Variants in TRIM37 observed in about 807,000 individuals in gnomAD.
TRIM37 encodes the protein tripartite motif containing 37, also known as E3 ubiquitin-protein ligase TRIM37.
In TRIM37, 80 loss-of-function variants were observed where a neutral mutation model predicts 129.8. The ratio of observed to expected loss-of-function variants is 0.62; its 90% CI spans 0.51 to 0.74. TRIM37 has a LOEUF of 0.74. Among genes scored for constraint, TRIM37 ranks in the 30% least tolerant of loss-of-function variants. The pLI is 0.00. For missense variants in TRIM37, 1,054 were observed against 1,176.5 expected (o/e 0.90, Z 1.52); for synonymous variants, 389 against 387.1 (o/e 1.00, Z -0.06).
intron 22 of TRIM37, 137 bp from the exon 23 acceptor site, chr17:59,001,851 T>TAACAA: frequency 8.0e-7 from 1 of 1,256,016 alleles, no homozygotes; most frequent in Non-Finnish European, 1.1e-6. Flanking sequence ...AACTAAACAC[T>TAACAA]AACAAAACAA....
chr17:59,070,846 AG>A lies in TRIM37; in HGVS notation c.785del (p.Thr262IlefsTer11). 6.2e-7 allele frequency: 1 copy of A among 1,614,100 alleles called. No individual in the cohort carries two copies. Among genetic ancestry groups the A allele is most frequent in the Non-Finnish European group, 8.5e-7 (1 of 1,179,960 alleles). ...ACCTGGTAAAGTCTGGTGGAACAGG[AG>A]TGGTAACAAAAGATGCCATGGGCTT... Reference protein sequence around the residue: ...HRKPMASFVTTPVPPDFTSEL... With the variant: ...HRKPMASFVTXPVPPDFTSEL... On this transcript the variant is annotated frameshift_variant, in exon 9 of 24. Transcript: ENST00000262294. LOFTEE classifies it high-confidence loss of function.
intron 21 of TRIM37, among the ~76,000 whole-genome samples, 163 bp downstream of exon 21, chr17:59,015,447 A>T (rs544230660): frequency 1.4e-4 from 21 of 152,198 alleles, no homozygotes; most frequent in African/African-American, 3.6e-4. Flanking sequence ...TAAAAAAAAT[A>T]AAAAAAATTA....
chr17:59,098,420 C>T (rs1464437480), intron 2 of TRIM37, among the ~76,000 whole-genome samples: 3 of 152,156 alleles, frequency 2.0e-5, no homozygotes, highest in African/African-American at 7.2e-5. Flanking sequence ...AATCCTAGCA[C>T]TTGGGAGGCC....
Position 59,047,767 on chromosome 17 carries a change from A to G in TRIM37, c.1583T>C (p.Val528Ala). 6.2e-7 allele frequency: 1 copy of G among 1,613,876 alleles called. No homozygotes were observed. The highest frequency in any genetic ancestry group is 8.5e-7 in the Non-Finnish European group (1 of 1,179,826). The change falls in exon 16 of 24, where the codon GTA becomes GCA. Residue 528 changes from valine to alanine, a missense_variant. Physicochemically the swap from Val to Ala is moderately conservative, Grantham distance 64. This residue lies in a region of TRIM37 where 752 missense variants were observed against 870.8 expected (regional missense o/e 0.86). Coordinates refer to ENST00000262294, the MANE Select transcript of TRIM37 (RefSeq NM_015294.6). ...LDLDLVYEDE[V>A]NQLDGSSSSA... ...GGAACTGCTGCCATCGAGCTGATTT[A>G]CTTCATCCTCATAAACAAGATCCAG...
At chr17:59,027,644 C>A (rs763760730) in intron 19 of TRIM37, among the ~76,000 whole-genome samples, 3 of 152,120 alleles carry the variant, frequency 2.0e-5, no homozygotes, top group Non-Finnish European at 4.4e-5. Flanking sequence ...CTTTTCAGAC[C>A]CTTCTCCACA....
intron 2 of TRIM37, among the ~76,000 whole-genome samples, chr17:59,093,733 G>A (rs1264716675): frequency 2.0e-5 from 3 of 152,046 alleles, no homozygotes; most frequent in African/African-American, 7.3e-5. Context: ...TAACACTGTC[G>A]ATATATCTGT....
chr17:59,093,338 T>G (rs1361517999), intron 2 of TRIM37, among the ~76,000 whole-genome samples: 1 of 152,138 alleles, frequency 6.6e-6, no homozygotes, highest in Non-Finnish European at 1.5e-5. Context: ...AGAACTGGTC[T>G]CATGAACTCC....
rs72443487 is a variant in TRIM37, at chr17:59,012,227, G to GCAGCAGCAGCAGCAGCAGCAGCAGCAC, written c.2695+100_2695+101insGTGCTGCTGCTGCTGCTGCTGCTGCTG. ...CCTATCACTACCACCAGCAGCAGCA[G>GCAGCAGCAGCAGCAGCAGCAGCAGCAC]CACCACCACCACCACCACCACCACC... On this transcript the variant is annotated intron_variant, in intron 22 of 23. Coordinates refer to ENST00000262294, the MANE Select transcript of TRIM37 (RefSeq NM_015294.6). 3,092 of 611,714 alleles carry GCAGCAGCAGCAGCAGCAGCAGCAGCAC rather than the reference G, an allele frequency of 5.1e-3. 8 individuals carry two copies. The highest frequency in any genetic ancestry group is 0.02 in the African/African-American group (1,004 of 49,638). 37.9% of individuals were successfully genotyped at this position (611,714 alleles called of 1,614,324 possible).
intron 12 of TRIM37, among the ~76,000 whole-genome samples, chr17:59,057,475 T>A (rs2041060761): frequency 6.6e-6 from 1 of 152,228 alleles, no homozygotes; most frequent in African/African-American, 2.4e-5. Flanking sequence ...CCCAGTGTGC[T>A]GGGATTGCAG....
rs758261206 is a variant in TRIM37, at chr17:59,012,436, TAGC to T, written c.2584_2586del (p.Ala862del). On this transcript the variant is annotated inframe_deletion, in exon 22 of 24. Coordinates refer to ENST00000262294, the MANE Select transcript of TRIM37 (RefSeq NM_015294.6). Reference sequence around the variant, plus strand: ...TGCAGTCCTTCCAGATGACCTCCTTTAGCATTAGCCCTCAAAGAAGAAAACAAC... The same window carrying T: ...TGCAGTCCTTCCAGATGACCTCCTTTATTAGCCCTCAAAGAAGAAAACAAC... 1 of 1,602,114 alleles carries T rather than the reference TAGC, an allele frequency of 6.2e-7. No homozygotes were observed. The highest frequency in any genetic ancestry group is 1.1e-5 in the South Asian group (1 of 90,900).
intron 13 of TRIM37, among the ~76,000 whole-genome samples, chr17:59,054,437 G>C (rs1311292081): frequency 6.6e-6 from 1 of 152,040 alleles, no homozygotes; most frequent in Non-Finnish European, 1.5e-5. Flanking sequence ...AAGTAGCTGG[G>C]ATTACAAGTG....
chr17:59,020,837 A>C (rs1367778434), intron 19 of TRIM37, among the ~76,000 whole-genome samples: 1 of 152,220 alleles, frequency 6.6e-6, no homozygotes, highest in Non-Finnish European at 1.5e-5. Flanking sequence ...AATGCTGGTG[A>C]AGATGTAGAG....
At chr17:58,971,374 T>A in the TRIM37 span, among the ~76,000 whole-genome samples, 2 of 152,122 alleles carry the variant, frequency 1.3e-5, no homozygotes, top group African/African-American at 2.4e-5. Context: ...TTAGGCCAGG[T>A]CCTTAGTAAC....
At chr17:59,018,886 T>C (rs556338419) in intron 19 of TRIM37, among the ~76,000 whole-genome samples, 2 of 152,284 alleles carry the variant, frequency 1.3e-5, no homozygotes, top group South Asian at 4.1e-4. Context: ...TATACACATA[T>C]ATATCATCAA....
chr17:58,967,592 TTTG>T, the TRIM37 span, among the ~76,000 whole-genome samples: 4 of 151,740 alleles, frequency 2.6e-5, no homozygotes, highest in South Asian at 2.1e-4. Context: ...TGATATTTCC[TTTG>T]TTATTAGTCT....
At chr17:58,994,645 T>C (rs2032790103), downstream of TRIM37, among the ~76,000 whole-genome samples, 1 of 152,160 alleles carries the variant, frequency 6.6e-6, no homozygotes, top group Non-Finnish European at 1.5e-5. Flanking sequence ...TACCGTTTTA[T>C]ATAGGGGACT....
chr17:58,981,925 C>A (rs773844276), downstream of TRIM37: 1 of 152,562 alleles, frequency 6.6e-6, no homozygotes, highest in African/African-American at 2.4e-5. Flanking sequence ...CAAAGAAAAT[C>A]AAAAGCATTT....
At chr17:58,979,921 G>A (rs1011685918), downstream of TRIM37, 4 of 1,428,612 alleles carry the variant, frequency 2.8e-6, no homozygotes, top group African/African-American at 5.7e-5. Context: ...AACGTTCTTA[G>A]CATGCAAGGT....
intron 13 of TRIM37, among the ~76,000 whole-genome samples, chr17:59,054,138 A>C (rs1487611044): frequency 6.6e-6 from 1 of 152,210 alleles, no homozygotes; most frequent in Non-Finnish European, 1.5e-5. Flanking sequence ...ATCACTCTCA[A>C]GAAAAAAATG....
Sources: gnomAD v4.1 joint callset for allele counts (sites outside exome capture counted in the v4.1 genomes callset) on GRCh38, gnomAD v4.1.1 for gene constraint, gnomAD v4.1.1 regional missense constraint, MANE v1.5 for transcripts, NCBI Gene and HGNC (gene_info 2026-07-23, HGNC 2026-07-21) for gene names.